The following RARB variants were observed in gnomAD, a reference collection of about 807,000 sequenced individuals.
RARB encodes the protein HBV-activated protein.
Under a neutral mutation model 51.9 loss-of-function variants are expected in RARB, and 17 were observed. The ratio of observed to expected loss-of-function variants is 0.33; its 90% CI spans 0.22 to 0.49. The LOEUF is 0.49. Among genes scored for constraint, RARB ranks in the 20% least tolerant of loss-of-function variants. The probability of loss-of-function intolerance (pLI) is 0.99; values close to 1 mark genes in which losing one functional copy is unlikely to be tolerated. For missense variants in RARB, 369 were observed against 550.8 expected (o/e 0.67, Z 3.30); for synonymous variants, 215 against 195.4 (o/e 1.10, Z -0.84).
intron 5 of RARB, among the ~76,000 whole-genome samples, chr3:25,272,407 G>T (rs1398249432): frequency 6.6e-6 from 1 of 152,156 alleles, no homozygotes; most frequent in Non-Finnish European, 1.5e-5. Flanking sequence ...CTGCTAATTT[G>T]ATCTCTGCCT....
intron 3 of RARB, among the ~76,000 whole-genome samples, chr3:25,563,463 A>T (rs914498927): frequency 2.0e-5 from 3 of 152,206 alleles, no homozygotes; most frequent in African/African-American, 7.2e-5. Flanking sequence ...GCACTTTATT[A>T]GGAAAAAGAC....
intron 3 of RARB, among the ~76,000 whole-genome samples, chr3:25,540,336 A>G (rs868489344): frequency 1.3e-5 from 2 of 151,894 alleles, no homozygotes; most frequent in Non-Finnish European, 2.9e-5. Context: ...TTCCTAGTTA[A>G]TTTGATCTGG....
chr3:25,049,256 T>G (rs1698279098), intron 2 of RARB, among the ~76,000 whole-genome samples: 1 of 152,160 alleles, frequency 6.6e-6, no homozygotes, highest in Non-Finnish European at 1.5e-5. Context: ...AAAGGCAGGC[T>G]GAAGCTCATC....
At chr3:24,961,459 T>C (rs1696137207) in intron 2 of RARB, among the ~76,000 whole-genome samples, 1 of 152,240 alleles carries the variant, frequency 6.6e-6, no homozygotes, top group Non-Finnish European at 1.5e-5. Context: ...TACAATTGGC[T>C]GTTCTCTGTA....
At chr3:25,355,212 T>C (rs1349493364) in intron 5 of RARB, among the ~76,000 whole-genome samples, 1 of 152,108 alleles carries the variant, frequency 6.6e-6, no homozygotes, top group African/African-American at 2.4e-5. Context: ...TGGAGATTCA[T>C]GTGGGGACAT....
intron 5 of RARB, among the ~76,000 whole-genome samples, chr3:25,584,696 C>A (rs1422407040): frequency 6.6e-6 from 1 of 152,112 alleles, no homozygotes; most frequent in Non-Finnish European, 1.5e-5. Context: ...TTCTTGGTAT[C>A]CTATAGAGTC....
At chr3:25,039,555 C>G (rs771736196) in intron 2 of RARB, among the ~76,000 whole-genome samples, 1 of 152,080 alleles carries the variant, frequency 6.6e-6, no homozygotes, top group Non-Finnish European at 1.5e-5. Flanking sequence ...TCGAGTGGGG[C>G]ATGGGCATAA....
intron 2 of RARB, among the ~76,000 whole-genome samples, chr3:25,494,934 T>A (rs1056240126): frequency 1.1e-4 from 17 of 152,256 alleles, no homozygotes; most frequent in Non-Finnish European, 2.9e-5. Context: ...GCTAACACTT[T>A]GCATGCATTC....
chr3:25,129,234 T>C (rs1204377074), intron 3 of RARB, among the ~76,000 whole-genome samples: 1 of 152,122 alleles, frequency 6.6e-6, no homozygotes, highest in African/African-American at 2.4e-5. Context: ...CCACACTCTA[T>C]CAATTTTTTG....
intron 2 of RARB, among the ~76,000 whole-genome samples, chr3:25,046,475 AC>A (rs923048818): frequency 2.6e-5 from 4 of 152,102 alleles, no homozygotes; most frequent in African/African-American, 4.8e-5. Flanking sequence ...TATTTTTGAG[AC>A]AGGGTCTCAC....
At chr3:25,067,403 G>A (rs1480379442) in intron 3 of RARB, among the ~76,000 whole-genome samples, 1 of 152,146 alleles carries the variant, frequency 6.6e-6, no homozygotes, top group Admixed American at 6.5e-5. Context: ...GGAGGAAGTG[G>A]TCCATTGGTT....
chr3:25,575,666 C>T (rs148577543), intron 4 of RARB, among the ~76,000 whole-genome samples: 87 of 152,310 alleles, frequency 5.7e-4, no homozygotes, highest in African/African-American at 2.1e-3. Context: ...ATGTCAACCT[C>T]TGTCCAGATT....
At chr3:24,890,358 G>A (rs1404101910) in intron 2 of RARB, among the ~76,000 whole-genome samples, 4 of 152,182 alleles carry the variant, frequency 2.6e-5, no homozygotes, top group East Asian at 3.8e-4. Flanking sequence ...GTTACTTATA[G>A]GAGGGATTCC....
rs145438062 is a variant in RARB at position 25,170,448 on chromosome 3, G to A, written c.-279-3671G>A. ...AGTTTCTGATTCAGTAGGTCTCTCC[G>A]GTGGGGCCTGGAGAATTTGCATTTT... On this transcript the variant is annotated intron_variant, in intron 4 of 11. Transcript: ENST00000383772. 2.1e-3 allele frequency among the ~76,000 whole-genome samples: 317 copies of A among 152,260 alleles called. 2 individuals carry two copies. Among genetic ancestry groups the A allele is most frequent in the African/African-American group, 7.2e-3 (299 of 41,554 alleles).
chr3:25,144,787 T>G (rs1225591845), intron 4 of RARB, among the ~76,000 whole-genome samples: 1 of 152,204 alleles, frequency 6.6e-6, no homozygotes, highest in African/African-American at 2.4e-5. Context: ...TAGGAGCATG[T>G]GATCAGCCCG....
intron 2 of RARB, among the ~76,000 whole-genome samples, chr3:24,944,828 C>T (rs934823622): frequency 5.9e-5 from 9 of 152,162 alleles, no homozygotes; most frequent in Admixed American, 3.9e-4. Flanking sequence ...ACCAGTGTTA[C>T]TTCAATGATA....
At chr3:25,081,607 ATATATATATATATATTTTTTTTTTTT>A (rs1437709748) in intron 3 of RARB, among the ~76,000 whole-genome samples, 196 of 10,300 alleles carry the variant, frequency 0.019, 4 homozygotes, top group East Asian at 0.18. Context: ...ATATATATAT[ATATATATATATATATTTTTTTTTTTT>A]TTTTTTTTTT....
chr3:25,492,709 C>T (rs966188275), intron 2 of RARB, among the ~76,000 whole-genome samples: 3 of 152,206 alleles, frequency 2.0e-5, no homozygotes, highest in African/African-American at 4.8e-5. Flanking sequence ...CCTGTAATCT[C>T]TGCCTTCTTT....
chr3:25,580,801 C>T, intron 5 of RARB, 79 bp downstream of exon 5: 2 of 1,403,130 alleles, frequency 1.4e-6, no homozygotes, highest in African/African-American at 2.8e-5. Context: ...GACCAAGAGA[C>T]ATTGAAGATC....
Sources: gnomAD v4.1 joint callset for allele counts (sites outside exome capture counted in the v4.1 genomes callset) on GRCh38, gnomAD v4.1.1 for gene constraint, MANE v1.5 for transcripts, NCBI Gene and HGNC (gene_info 2026-07-23, HGNC 2026-07-21) for gene names.